ST3GAL5: variants seen among roughly 807,000 people sequenced by gnomAD.
ST3GAL5 encodes the protein lactosylceramide alpha-2,3-sialyltransferase.
Under a neutral mutation model 46.1 loss-of-function variants are expected in ST3GAL5, and 25 were observed. The observed-to-expected ratio is 0.54, with a 90% CI of 0.40 to 0.76. ST3GAL5 has a LOEUF of 0.76. Ranked by LOEUF, ST3GAL5 falls within the 30% of genes least tolerant of loss-of-function variation. The probability of loss-of-function intolerance (pLI) is 0.00; values close to 1 mark genes in which losing one functional copy is unlikely to be tolerated. For synonymous variants in ST3GAL5, 182 were observed against 192.7 expected, an observed-to-expected ratio of 0.94 and a Z score of 0.46; for missense variants, 431 against 521.2, an observed-to-expected ratio of 0.83 and a Z score of 1.69.
At chr2:85,868,353 G>A (rs1685514954) in intron 1 of ST3GAL5, among the ~76,000 whole-genome samples, 2 of 152,330 alleles carry the variant, frequency 1.3e-5, no homozygotes, top group South Asian at 2.1e-4. Flanking sequence ...CCTGGCTGGA[G>A]TACAGTGGTG....
intron 1 of ST3GAL5, among the ~76,000 whole-genome samples, chr2:85,873,088 C>T (rs778556016): frequency 6.6e-6 from 1 of 152,168 alleles, no homozygotes; most frequent in Non-Finnish European, 1.5e-5. Context: ...ACGAGAGCAG[C>T]GTTGTGGCCC....
chr2:85,888,997 C>T (rs1217719360), upstream of ST3GAL5: 2 of 992,194 alleles, frequency 2.0e-6, no homozygotes, highest in African/African-American at 1.7e-5. Flanking sequence ...AGCTGGGGGC[C>T]GCCGCTCCCC....
intron 1 of ST3GAL5, among the ~76,000 whole-genome samples, chr2:85,886,470 A>G (rs1454639977): frequency 6.6e-6 from 1 of 152,064 alleles, no homozygotes; most frequent in Non-Finnish European, 1.5e-5. Flanking sequence ...GTGCATGGGC[A>G]TGTTCAGTCT....
At chr2:85,878,461 C>T (rs1258745352) in intron 1 of ST3GAL5, among the ~76,000 whole-genome samples, 1 of 152,148 alleles carries the variant, frequency 6.6e-6, no homozygotes, top group African/African-American at 2.4e-5. Context: ...ACAGATTTTT[C>T]TCAATTCTCC....
chr2:85,859,924 T>C (rs1684541274), intron 3 of ST3GAL5, among the ~76,000 whole-genome samples: 3 of 152,192 alleles, frequency 2.0e-5, no homozygotes, highest in East Asian at 1.9e-4. Flanking sequence ...CTCTGCACCA[T>C]GCTGCTTTTA....
chr2:85,858,593 G>A (rs770415342), intron 3 of ST3GAL5, among the ~76,000 whole-genome samples: 2 of 152,186 alleles, frequency 1.3e-5, no homozygotes, highest in South Asian at 2.1e-4. Context: ...ACAGGTGTGC[G>A]CCATCACACC....
chr2:85,879,558 T>C (rs1437999204), intron 1 of ST3GAL5, among the ~76,000 whole-genome samples: 1 of 152,276 alleles, frequency 6.6e-6, no homozygotes, highest in East Asian at 1.9e-4. Flanking sequence ...TTTCCTGTGG[T>C]GGGCCTGTGT....
intron 3 of ST3GAL5, chr2:85,851,559 T>C: frequency 7.8e-7 from 1 of 1,289,448 alleles, no homozygotes; most frequent in African/African-American, 1.5e-5. Context: ...CATCATTGTC[T>C]TGGGGGCTTC....
chr2:85,880,743 G>A, intron 1 of ST3GAL5: 1 of 427,618 alleles, frequency 2.3e-6, no homozygotes, highest in Non-Finnish European at 4.5e-6. Flanking sequence ...AGAACCAGTT[G>A]CTCCTGGGAG....
rs754421633 is a variant in ST3GAL5, at chr2:85,847,906, C to A, written c.617G>T (p.Gly206Val). 1.2e-6 allele frequency: 2 copies of A among 1,613,996 alleles called. No homozygotes were observed. Among genetic ancestry groups the A allele is most frequent in the East Asian group, 2.2e-5 (1 of 44,908 alleles). ...VVIGSGGILHGLELGHTLNQF... is the reference protein window; with the variant it reads ...VVIGSGGILHVLELGHTLNQF... ...GTTCAGGGTGTGGCCCAGTTCTAATCCGTGCAGTATTCCTCCGCTTCCAAT... is the reference window on the plus strand; with the variant it reads ...GTTCAGGGTGTGGCCCAGTTCTAATACGTGCAGTATTCCTCCGCTTCCAAT... The change falls in exon 4 of 7, where the codon GGA (glycine) becomes GTA (valine). Residue 206 changes from glycine (G) to valine (V), a missense_variant. Transcript: ENST00000638572.
intron 6 of ST3GAL5, among the ~76,000 whole-genome samples, chr2:85,841,876 A>G (rs1682154616): frequency 6.6e-6 from 1 of 152,212 alleles, no homozygotes; most frequent in African/African-American, 2.4e-5. Context: ...GGAGGAATAC[A>G]GAAGGCCCTG....
At chr2:85,847,575 G>T in intron 4 of ST3GAL5, 1 of 1,190,066 alleles carries the variant, frequency 8.4e-7, no homozygotes, top group Non-Finnish European at 1.1e-6. Flanking sequence ...AGAGGAGAAA[G>T]GTTGGTTTTA....
intron 1 of ST3GAL5, among the ~76,000 whole-genome samples, chr2:85,884,410 T>G (rs2104252328): frequency 6.6e-6 from 1 of 152,340 alleles, no homozygotes; most frequent in East Asian, 1.9e-4. Context: ...AAATGGAAAC[T>G]TTTTGGGAAA....
At chr2:85,878,369 A>G (rs1224258159) in intron 1 of ST3GAL5, among the ~76,000 whole-genome samples, 1 of 151,890 alleles carries the variant, frequency 6.6e-6, no homozygotes, top group East Asian at 1.9e-4. Flanking sequence ...GCATAGATAT[A>G]CTATCATGAC....
At chr2:85,872,465 C>A (rs1258918400) in intron 1 of ST3GAL5, among the ~76,000 whole-genome samples, 1 of 152,060 alleles carries the variant, frequency 6.6e-6, no homozygotes, top group Non-Finnish European at 1.5e-5. Flanking sequence ...CGCTTGTAAT[C>A]CCAGCTACTT....
In ST3GAL5 at chr2:85,853,144, A is replaced by G. The variant is rs1346576631; in HGVS notation, c.319-4940T>C. 6 of 1,229,886 alleles carry G rather than the reference A, an allele frequency of 4.9e-6. No homozygotes were observed. The Admixed American group carries it at 7.1e-5, about 15-fold the overall frequency. 76.2% of individuals were successfully genotyped at this position (1,229,886 alleles called of 1,614,324 possible). On this transcript the variant is annotated intron_variant, in intron 3 of 6. Coordinates refer to ENST00000638572, the MANE Select transcript of ST3GAL5 (RefSeq NM_003896.4). ...CAAGTTCAAAATGCTGCTACTACAC[A>G]GCCCAAACCGAAACTGACATCAACG...
chr2:85,863,563 C>G (rs549133695), intron 1 of ST3GAL5, 78 bp from the exon 2 acceptor site: 2 of 1,510,606 alleles, frequency 1.3e-6, no homozygotes, highest in South Asian at 2.3e-5. Flanking sequence ...TTTCAAAGAG[C>G]CTTTATATGT....
Position 85,848,134 on chromosome 2 carries a change from G to A in ST3GAL5, c.389C>T (p.Ala130Val), listed in dbSNP as rs140019292. 4.6e-4 allele frequency: 741 copies of A among 1,614,176 alleles called. 4 individuals are homozygous for A. Among genetic ancestry groups the A allele is most frequent in the Middle Eastern group, 3.1e-3 (19 of 6,062 alleles). The part of the protein sequence containing the change: ...CRPKFAKTSM[A>V]LLFEHRYSVD... ...GCTATACCTGTGCTCAAATAACAGC[G>A]CCATTGATGTCTTGGCAAACTTGGG... The change falls in exon 4 of 7, where the codon GCG becomes GTG. Residue 130 changes from alanine to valine, a missense_variant. By Grantham distance (64) the Ala-to-Val change is moderately conservative. Transcript: ENST00000638572.
At chr2:85,877,468 T>C (rs929542773) in intron 1 of ST3GAL5, among the ~76,000 whole-genome samples, 2 of 152,260 alleles carry the variant, frequency 1.3e-5, no homozygotes, top group African/African-American at 4.8e-5. Context: ...TGTTTCTTCA[T>C]GATTAGATTC....
Sources: allele counts gnomAD v4.1 joint callset (sites outside exome capture counted in the v4.1 genomes callset), GRCh38; gene constraint gnomAD v4.1.1; transcripts MANE v1.5; gene names NCBI Gene and HGNC (gene_info 2026-07-23, HGNC 2026-07-21).